The following MTMR3 variants were observed in gnomAD, a reference collection of about 807,000 sequenced individuals.
MTMR3 encodes the protein phosphatidylinositol-3,5-bisphosphate 3-phosphatase MTMR3.
MTMR3 carries 32 observed loss-of-function variants against 132.4 expected under a neutral mutation model. The observed-to-expected ratio is 0.24, with a 90% CI of 0.18 to 0.32. MTMR3 has a LOEUF of 0.32. MTMR3 is among the 10% of genes least tolerant of loss of function. The pLI is 1.00. For synonymous variants in MTMR3, 556 were observed against 550.3 expected (o/e 1.01, Z -0.14); for missense variants, 1,216 against 1,489.6 (o/e 0.82, Z 3.02).
At chr22:29,976,263 CA>C (rs2066627459) in intron 3 of MTMR3, among the ~76,000 whole-genome samples, 1 of 151,924 alleles carries the variant, frequency 6.6e-6, no homozygotes, top group African/African-American at 2.4e-5. Context: ...TTATTATTGA[CA>C]ACTAATACTA....
rs761034290 is a variant in MTMR3 at position 29,991,589 on chromosome 22, C to G, written c.379C>G (p.Leu127Val). 1 of 1,614,090 alleles carries G rather than the reference C, an allele frequency of 6.2e-7. No homozygotes were observed. The highest frequency in any genetic ancestry group is 8.5e-7 in the Non-Finnish European group (1 of 1,179,958). Residue 127 changes from leucine (L) to valine (V), a missense_variant, in exon 7 of 20, where the codon CTC (leucine) becomes GTC (valine). Transcript: ENST00000401950. ...AIRPPAKIED[L>V]FSFAYHAWCM... is the part of the protein sequence containing the mutation. The stretch of plus-strand genomic sequence containing the variant: ...CCGACCACCTGCTAAAATAGAAGAT[C>G]TCTTCTCATTTGCATACCATGCTTG...
intron 9 of MTMR3, chr22:30,006,870 A>AT (rs2067283632): frequency 4.3e-6 from 2 of 461,582 alleles, no homozygotes; most frequent in Non-Finnish European, 7.9e-6. Flanking sequence ...CCTGTTAGTC[A>AT]TTTTTTTGGG....
At chr22:29,973,262 A>G (rs1462254168) in intron 3 of MTMR3, among the ~76,000 whole-genome samples, 1 of 152,230 alleles carries the variant, frequency 6.6e-6, no homozygotes, top group Non-Finnish European at 1.5e-5. Flanking sequence ...GAGGTTAAGC[A>G]TTAGCAAAAT....
chr22:29,967,329 C>G (rs1169835252), intron 2 of MTMR3, among the ~76,000 whole-genome samples: 1 of 151,668 alleles, frequency 6.6e-6, no homozygotes. Context: ...CCTTGAACTC[C>G]TGAGCTCAAG....
At chr22:29,962,756 G>A (rs73162764) in intron 2 of MTMR3, among the ~76,000 whole-genome samples, 44,452 of 151,812 alleles carry the variant, frequency 0.29, 7,656 homozygotes, top group East Asian at 0.61. Flanking sequence ...CCACTAATCT[G>A]CTTTCTAAGA....
chr22:29,959,315 CA>C (rs2066261503), intron 2 of MTMR3, among the ~76,000 whole-genome samples: 2 of 151,820 alleles, frequency 1.3e-5, no homozygotes, highest in African/African-American at 2.4e-5. Flanking sequence ...TTCATTTAGC[CA>C]GGGGGGTGGG....
In MTMR3 at chr22:30,019,787, G is replaced by C. The variant is rs755541019; in HGVS notation, c.2128G>C (p.Ala710Pro). The change falls in exon 17 of 20, where the codon GCA becomes CCA. Residue 710 changes from alanine (A) to proline (P), a missense_variant. By Grantham distance (27) the Ala-to-Pro change is conservative. Coordinates refer to ENST00000401950, the MANE Select transcript of MTMR3 (RefSeq NM_021090.4). ...ESGVEEPAHRAGIEIQEGKED... is the reference protein window; with the variant it reads ...ESGVEEPAHRPGIEIQEGKED... The stretch of plus-strand genomic sequence containing the variant: ...TGGAGTAGAGGAACCTGCCCACAGG[G>C]CAGGCATTGAGATACAGGAGGGTAA... The C allele has an allele frequency of 2.5e-6, 4 of 1,614,094 alleles. No individual in the cohort carries two copies. In the African/African-American group the frequency reaches 5.3e-5, roughly 22 times the overall value.
intron 1 of MTMR3, among the ~76,000 whole-genome samples, chr22:29,938,585 T>A (rs1397109971): frequency 6.6e-6 from 1 of 152,136 alleles, no homozygotes; most frequent in East Asian, 1.9e-4. Flanking sequence ...TTTTCTTCTT[T>A]TCCATAGCTC....
intron 12 of MTMR3, chr22:30,009,954 T>G (rs930734373): frequency 6.6e-6 from 1 of 152,246 alleles, no homozygotes; most frequent in African/African-American, 2.4e-5. Flanking sequence ...ATTTGATTTA[T>G]TAAATCAGAT....
intron 10 of MTMR3, 57 bp downstream of exon 10, chr22:30,007,376 T>G (rs2067294415): frequency 6.6e-7 from 1 of 1,516,828 alleles, no homozygotes; most frequent in Admixed American, 1.7e-5. Flanking sequence ...GAACCTTTTC[T>G]TGAAATGGCC....
At chr22:29,993,540 T>A (rs1267725132) in intron 7 of MTMR3, 1 of 152,234 alleles carries the variant, frequency 6.6e-6, no homozygotes, top group African/African-American at 2.4e-5. Context: ...GACCCCTGAC[T>A]CCAAGAGGTA....
intron 1 of MTMR3, among the ~76,000 whole-genome samples, chr22:29,947,605 T>G (rs1162566570): frequency 6.6e-6 from 1 of 152,186 alleles, no homozygotes; most frequent in Non-Finnish European, 1.5e-5. Flanking sequence ...TGAATTTTTC[T>G]GAGTCATTGA....
At position 30,020,831 on chromosome 22, in the gene MTMR3, A is replaced by G. The variant is rs1186164745; in HGVS notation, c.3172A>G (p.Ser1058Gly). 2.5e-6 allele frequency: 4 copies of G among 1,610,126 alleles called. No individual in the cohort carries two copies. Among genetic ancestry groups the G allele is most frequent in the Non-Finnish European group, 3.4e-6 (4 of 1,177,954 alleles). ...CCAGGAGCTGAAGAGTCGCCTGGAG[A>G]GCCAGTACCTGACCAGCTCCCTACA... ...QVQELKSRLE[S>G]QYLTSSLHFN... Residue 1058 changes from serine (S) to glycine (G), a missense_variant, in exon 17 of 20, where the codon AGC becomes GGC. Physicochemically the swap from Ser to Gly is moderately conservative, Grantham distance 56. Coordinates refer to ENST00000401950, the MANE Select transcript of MTMR3 (RefSeq NM_021090.4).
intron 1 of MTMR3, among the ~76,000 whole-genome samples, chr22:29,940,200 G>A (rs1028901616): frequency 3.3e-5 from 5 of 152,190 alleles, no homozygotes; most frequent in South Asian, 2.1e-4. Context: ...CCCGGGAGGC[G>A]GAACTTGCAG....
At chr22:30,003,636 C>G (rs1327755065) in intron 9 of MTMR3, 1 of 152,182 alleles carries the variant, frequency 6.6e-6, no homozygotes, top group Non-Finnish European at 1.5e-5. Context: ...TGACCTCAGT[C>G]TGTTCCTAAT....
chr22:29,974,622 G>A (rs901115532), intron 3 of MTMR3, among the ~76,000 whole-genome samples: 3 of 152,170 alleles, frequency 2.0e-5, no homozygotes, highest in African/African-American at 7.2e-5. Context: ...TTAGCACCCT[G>A]GTGAGTGTGC....
At chr22:29,889,173 G>A (rs533452811) in intron 1 of MTMR3, among the ~76,000 whole-genome samples, 36 of 151,634 alleles carry the variant, frequency 2.4e-4, no homozygotes, top group Non-Finnish European at 4.7e-4. Context: ...GGAAGGCAGA[G>A]TGTTTATAAA....
rs367863772 is a variant in MTMR3, at chr22:29,967,803, A to C, written c.-84-3173A>C. On this transcript the variant is annotated intron_variant, in intron 2 of 19. Coordinates refer to ENST00000401950, the MANE Select transcript of MTMR3 (RefSeq NM_021090.4). The stretch of plus-strand genomic sequence containing the variant: ...ACATCTCATACAAATGGAATCACAC[A>C]ATATATGGCCTTTTGTGCCCCAGGT... 2.6e-3 allele frequency among the ~76,000 whole-genome samples: 390 copies of C among 152,178 alleles called. 1 individual carries two copies. The highest frequency in any genetic ancestry group is 9.0e-3 in the African/African-American group (373 of 41,534).
At chr22:29,947,338 G>A (rs1602536692) in intron 1 of MTMR3, among the ~76,000 whole-genome samples, 1 of 151,738 alleles carries the variant, frequency 6.6e-6, no homozygotes, top group Non-Finnish European at 1.5e-5. Context: ...TTGTCTGTGT[G>A]GATTGTTTTT....
Sources: allele counts gnomAD v4.1 joint callset (sites outside exome capture counted in the v4.1 genomes callset), GRCh38; gene constraint gnomAD v4.1.1; transcripts MANE v1.5; gene names NCBI Gene and HGNC (gene_info 2026-07-23, HGNC 2026-07-21).